ZNRF2: variants seen among roughly 807,000 people sequenced by gnomAD.
The protein encoded by ZNRF2 is zinc and ring finger 2, also known as E3 ubiquitin-protein ligase ZNRF2.
ZNRF2 carries 16 observed loss-of-function variants against 20.4 expected under a neutral mutation model. That is an observed-to-expected ratio of 0.79 (90% CI 0.53 to 1.19). The LOEUF (loss-of-function observed/expected upper bound fraction) is 1.19, where lower values mean the gene tolerates loss of function less well. Among genes scored for constraint, ZNRF2 ranks in the 50% most tolerant of loss-of-function variants. The probability of loss-of-function intolerance (pLI) is 0.00; values close to 1 mark genes in which losing one functional copy is unlikely to be tolerated. For missense variants in ZNRF2, 363 were observed against 332.4 expected (o/e 1.09, Z -0.72); for synonymous variants, 178 against 144.9 (o/e 1.23, Z -1.64).
chr7:30,330,226 C>T (rs779310044), intron 2 of ZNRF2, among the ~76,000 whole-genome samples: 19 of 152,062 alleles, frequency 1.2e-4, no homozygotes, highest in Non-Finnish European at 2.2e-4. Context: ...AGAAGAGGTA[C>T]AACTTGAAAT....
intron 1 of ZNRF2, among the ~76,000 whole-genome samples, chr7:30,318,372 G>A (rs1799410668): frequency 6.6e-6 from 1 of 152,042 alleles, no homozygotes; most frequent in African/African-American, 2.4e-5. Flanking sequence ...TTTGTTTGTG[G>A]TTATTGGGAA....
chr7:30,346,416 A>G (rs891129492), intron 2 of ZNRF2, among the ~76,000 whole-genome samples: 1 of 150,332 alleles, frequency 6.7e-6, no homozygotes, highest in Admixed American at 6.6e-5. Context: ...CTGTTTTCCA[A>G]CTCCTCAGGT....
intron 1 of ZNRF2, among the ~76,000 whole-genome samples, chr7:30,296,606 T>A (rs577221320): frequency 4.6e-5 from 7 of 152,322 alleles, no homozygotes; most frequent in African/African-American, 1.7e-4. Flanking sequence ...TTCTCCAGAT[T>A]TCCTGTCTAT....
Position 30,367,663 on chromosome 7 carries a change from T to A in ZNRF2, c.*1651T>A, listed in dbSNP as rs1235981883. ...AGAAAAATGTGTGTATTATAAATAA[T>A]TAAAGAGTTTTTAATTGCTTTCTGT... is the stretch of plus-strand genomic sequence containing the variant. On this transcript the variant is annotated 3_prime_UTR_variant, in exon 5 of 5. Transcript: ENST00000323037. 5 of 152,000 alleles carry A rather than the reference T, an allele frequency of 3.3e-5. No individual in the cohort carries two copies. Among genetic ancestry groups the A allele is most frequent in the Non-Finnish European group, 2.9e-5 (2 of 67,886 alleles). 9.4% of individuals were successfully genotyped at this position (152,000 alleles called of 1,614,324 possible).
intron 2 of ZNRF2, among the ~76,000 whole-genome samples, chr7:30,328,621 G>A (rs1212312915): frequency 6.6e-6 from 1 of 152,174 alleles, no homozygotes; most frequent in Non-Finnish European, 1.5e-5. Flanking sequence ...ATGATTTAGA[G>A]TTTCAGACTC....
At chr7:30,288,607 T>G (rs974453338) in intron 1 of ZNRF2, among the ~76,000 whole-genome samples, 1 of 152,272 alleles carries the variant, frequency 6.6e-6, no homozygotes, top group Non-Finnish European at 1.5e-5. Flanking sequence ...TACACTCTTA[T>G]TCTCTCTAGA....
chr7:30,329,815 TATATCCA>T (rs1799609456), intron 2 of ZNRF2, among the ~76,000 whole-genome samples: 2 of 152,220 alleles, frequency 1.3e-5, no homozygotes, highest in East Asian at 3.8e-4. Flanking sequence ...CTTTTGGATA[TATATCCA>T]GTAACAGGAT....
At chr7:30,363,903 T>C (rs186056850) in intron 4 of ZNRF2, among the ~76,000 whole-genome samples, 2 of 152,350 alleles carry the variant, frequency 1.3e-5, no homozygotes, top group African/African-American at 2.4e-5. Context: ...TGGATTGTTA[T>C]ATCAAGGCAG....
At chr7:30,325,415 T>C (rs955671015) in intron 2 of ZNRF2, among the ~76,000 whole-genome samples, 2 of 152,146 alleles carry the variant, frequency 1.3e-5, no homozygotes, top group African/African-American at 4.8e-5. Flanking sequence ...TGAACAGAAA[T>C]GGAGCTTACA....
intron 2 of ZNRF2, among the ~76,000 whole-genome samples, chr7:30,332,371 A>T (rs1277105683): frequency 6.6e-6 from 1 of 151,536 alleles, no homozygotes; most frequent in East Asian, 1.9e-4. Context: ...GTTACCTTTT[A>T]AAAAAAAATT....
At chr7:30,326,927 A>G (rs1245235739) in intron 2 of ZNRF2, among the ~76,000 whole-genome samples, 3 of 151,842 alleles carry the variant, frequency 2.0e-5, no homozygotes, top group Non-Finnish European at 4.4e-5. Flanking sequence ...GGCCACATTT[A>G]TGTCTTCTTT....
chr7:30,311,473 A>G (rs926992654), intron 1 of ZNRF2, among the ~76,000 whole-genome samples: 2 of 152,216 alleles, frequency 1.3e-5, no homozygotes, highest in African/African-American at 4.8e-5. Context: ...CATGAAGAGC[A>G]GTATCTTTAA....
intron 2 of ZNRF2, among the ~76,000 whole-genome samples, chr7:30,330,104 T>C (rs1583584586): frequency 6.6e-6 from 1 of 152,188 alleles, no homozygotes; most frequent in Admixed American, 6.5e-5. Context: ...TTATACCATA[T>C]AAAGTTCAGT....
chr7:30,354,173 G>A (rs1306554263), intron 2 of ZNRF2, among the ~76,000 whole-genome samples: 1 of 151,986 alleles, frequency 6.6e-6, no homozygotes, highest in East Asian at 1.9e-4. Flanking sequence ...AAAAAATGGG[G>A]AAAGGGAGGG....
Position 30,323,738 on chromosome 7 carries a change from G to A in ZNRF2, c.565+1G>A. ...ACAAAGCCACGAATAACCTATAATG[G>A]TAAGTCCAATGGTTTAAAATAATAT... On this transcript the variant is annotated splice_donor_variant, in intron 2 of 4. Transcript: ENST00000323037. LOFTEE classifies it high-confidence loss of function. The A allele has an allele frequency of 6.5e-7, 1 of 1,546,364 alleles. No homozygotes were observed. Among genetic ancestry groups the A allele is most frequent in the Non-Finnish European group, 8.8e-7 (1 of 1,138,686 alleles).
In ZNRF2 at chr7:30,327,692, A is replaced by G. The variant is rs548478496; in HGVS notation, c.565+3955A>G. Among the ~76,000 whole-genome samples, 8 of 152,030 alleles carry G rather than the reference A, an allele frequency of 5.3e-5. No homozygotes were observed. The South Asian group carries it at 1.5e-3, about 28-fold the overall frequency. On this transcript the variant is annotated intron_variant, in intron 2 of 4. Transcript: ENST00000323037. The stretch of plus-strand genomic sequence containing the variant: ...TGAAAGCTTTAAAAAATAAAAATAT[A>G]TATATTTTTGTTTTTAGAGTCAGGA...
intron 2 of ZNRF2, among the ~76,000 whole-genome samples, chr7:30,329,136 T>C (rs1320252346): frequency 2.0e-5 from 3 of 152,180 alleles, no homozygotes; most frequent in African/African-American, 7.2e-5. Context: ...TAGCAAATTC[T>C]TAGTTTTTTT....
In ZNRF2 at chr7:30,353,199, C is replaced by A. The variant is rs144802395; in HGVS notation, c.566-2529C>A. Among the ~76,000 whole-genome samples the A allele has an allele frequency of 9.9e-5, 15 of 152,190 alleles. No homozygotes were observed. In the East Asian group the frequency reaches 2.9e-3, roughly 29 times the overall value. ...AGTCAGAGTGAACTATCTTCTAACT[C>A]AGAGTTGCTTATCAAAATGCAACTG... On this transcript the variant is annotated intron_variant, in intron 2 of 4. Coordinates refer to ENST00000323037, the MANE Select transcript of ZNRF2 (RefSeq NM_147128.4).
chr7:30,307,326 GTT>G (rs78007797), intron 1 of ZNRF2, among the ~76,000 whole-genome samples: 2,928 of 43,150 alleles, frequency 0.068, 106 homozygotes, highest in African/African-American at 0.13. Flanking sequence ...GTTTTTTTTT[GTT>G]TTTTTTTTTT....
Sources: allele counts gnomAD v4.1 joint callset (sites outside exome capture counted in the v4.1 genomes callset), GRCh38; gene constraint gnomAD v4.1.1; transcripts MANE v1.5; gene names NCBI Gene and HGNC (gene_info 2026-07-23, HGNC 2026-07-21).